OR6N1: variants seen among roughly 807,000 people sequenced by gnomAD.
OR6N1 encodes the protein olfactory receptor 6N1.
For synonymous variants in OR6N1, 170 were observed against 150.7 expected (o/e 1.13, Z -0.94); for missense variants, 394 against 371.7 (o/e 1.06, Z -0.49).
At chr1:158,825,252 A>T in the OR6N1 span, among the ~76,000 whole-genome samples, 1 of 152,144 alleles carries the variant, frequency 6.6e-6, no homozygotes, top group Non-Finnish European at 1.5e-5. Flanking sequence ...ATCCTGGCTA[A>T]CACAGTGAAA....
chr1:158,799,396 C>T, the OR6N1 span, among the ~76,000 whole-genome samples: 823 of 152,226 alleles, frequency 5.4e-3, 5 homozygotes, highest in African/African-American at 0.019. Flanking sequence ...CTCTAGCCTA[C>T]GTTTAAGTAG....
upstream of OR6N1, chr1:158,777,135 T>G (rs761939296): frequency 8.7e-6 from 14 of 1,613,902 alleles, no homozygotes; most frequent in Admixed American, 2.2e-4. Flanking sequence ...AAGCACAAAA[T>G]GGGAGCTGGG....
At chr1:158,839,578 T>C in the OR6N1 span, among the ~76,000 whole-genome samples, 2 of 152,270 alleles carry the variant, frequency 1.3e-5, no homozygotes, top group African/African-American at 4.8e-5. Context: ...TACTAGTCCC[T>C]CAAGGAACCT....
the OR6N1 span, among the ~76,000 whole-genome samples, chr1:158,777,967 C>T: frequency 1.3e-5 from 2 of 152,120 alleles, no homozygotes; most frequent in African/African-American, 4.8e-5. Flanking sequence ...TTTGTATTTC[C>T]TATAGATACT....
At chr1:158,785,643 G>A in the OR6N1 span, among the ~76,000 whole-genome samples, 2 of 152,148 alleles carry the variant, frequency 1.3e-5, no homozygotes, top group Non-Finnish European at 2.9e-5. Context: ...ACTACATAGA[G>A]CTAGGAGAGA....
At chr1:158,789,257 C>G in the OR6N1 span, among the ~76,000 whole-genome samples, 1 of 152,178 alleles carries the variant, frequency 6.6e-6, no homozygotes, top group Non-Finnish European at 1.5e-5. Context: ...CAGATGTACA[C>G]TTTAGCTGAT....
chr1:158,819,819 C>T, the OR6N1 span, among the ~76,000 whole-genome samples: 2 of 152,298 alleles, frequency 1.3e-5, no homozygotes, highest in East Asian at 3.9e-4. Context: ...ACCACAAGCA[C>T]AATTTTCAGT....
the OR6N1 span, among the ~76,000 whole-genome samples, chr1:158,813,319 T>C: frequency 6.6e-6 from 1 of 152,152 alleles, no homozygotes; most frequent in East Asian, 1.9e-4. Flanking sequence ...CACAGAGTTG[T>C]TCACTGTAGT....
the OR6N1 span, among the ~76,000 whole-genome samples, chr1:158,791,352 CAA>C: frequency 6.6e-6 from 1 of 151,950 alleles, no homozygotes; most frequent in Non-Finnish European, 1.5e-5. Context: ...TTCATTAACT[CAA>C]AATTCATTCA....
chr1:158,831,092 G>T, the OR6N1 span, among the ~76,000 whole-genome samples: 1 of 152,116 alleles, frequency 6.6e-6, no homozygotes, highest in African/African-American at 2.4e-5. Context: ...GCGGCTACCG[G>T]TTTCTAATGA....
chr1:158,800,839 A>G, the OR6N1 span, among the ~76,000 whole-genome samples: 2 of 152,324 alleles, frequency 1.3e-5, no homozygotes, highest in South Asian at 4.1e-4. Flanking sequence ...TTCTTTTTGT[A>G]TCTTCAATAA....
upstream of OR6N1, among the ~76,000 whole-genome samples, chr1:158,773,018 TAATC>T (rs1236232144): frequency 6.6e-6 from 1 of 152,152 alleles, no homozygotes; most frequent in Non-Finnish European, 1.5e-5. Flanking sequence ...ATAAAATTAA[TAATC>T]AAATGTGATA....
chr1:158,772,781 G>C (rs372400452), upstream of OR6N1, among the ~76,000 whole-genome samples: 4 of 152,254 alleles, frequency 2.6e-5, no homozygotes, highest in South Asian at 4.1e-4. Context: ...ATACTTATGA[G>C]ACATTAGGCA....
the OR6N1 span, among the ~76,000 whole-genome samples, chr1:158,789,733 A>G: frequency 1.3e-5 from 2 of 152,192 alleles, no homozygotes; most frequent in African/African-American, 4.8e-5. Flanking sequence ...TAGTCTGGTC[A>G]TTAACCCTTT....
the OR6N1 span, among the ~76,000 whole-genome samples, chr1:158,781,814 C>T: frequency 6.6e-6 from 1 of 152,188 alleles, no homozygotes; most frequent in Non-Finnish European, 1.5e-5. Context: ...ACCTGTTTAC[C>T]TGAGCATTTG....
chr1:158,802,065 G>T, the OR6N1 span, among the ~76,000 whole-genome samples: 2 of 152,068 alleles, frequency 1.3e-5, no homozygotes, highest in Non-Finnish European at 2.9e-5. Context: ...GGGGTAGGAA[G>T]TTGGACACAG....
the OR6N1 span, among the ~76,000 whole-genome samples, chr1:158,825,336 G>A: frequency 5.9e-5 from 9 of 152,070 alleles, no homozygotes; most frequent in Non-Finnish European, 1.3e-4. Flanking sequence ...CTACTCGGGA[G>A]GCTGAGGCAG....
rs1657227325 is a variant in OR6N1, at chr1:158,765,527, G to A, written c.*217C>T. 2 of 499,940 alleles carry A rather than the reference G, an allele frequency of 4.0e-6. No individual in the cohort carries two copies. The highest frequency in any genetic ancestry group is 3.4e-5 in the Admixed American group (1 of 29,206). The allele number at this position is 499,940 out of a possible 1,614,324, so 31.0% of individuals were successfully genotyped here. On this transcript the variant is annotated 3_prime_UTR_variant, in exon 2 of 2. Transcript: ENST00000641846. ...ATCACTGCACTACATCATGTTGAAG[G>A]GATGTGTACTTTCCCTAGTCTCTGG...
At chr1:158,807,227 T>G in the OR6N1 span, among the ~76,000 whole-genome samples, 33 of 152,200 alleles carry the variant, frequency 2.2e-4, no homozygotes, top group Non-Finnish European at 3.4e-4. Context: ...TATTGGGATG[T>G]TCTTCCTTCT....
Sources: allele counts gnomAD v4.1 joint callset (sites outside exome capture counted in the v4.1 genomes callset), GRCh38; gene constraint gnomAD v4.1.1; transcripts MANE v1.5; gene names NCBI Gene and HGNC (gene_info 2026-07-23, HGNC 2026-07-21).